GRM8: variants seen among roughly 807,000 people sequenced by gnomAD.
GRM8 encodes the protein glutamate metabotropic receptor 8.
A neutral mutation model predicts 87.2 loss-of-function variants in GRM8; 47 were observed. The ratio of observed to expected loss-of-function variants is 0.54; its 90% CI spans 0.43 to 0.69. The LOEUF (loss-of-function observed/expected upper bound fraction) is 0.69. Among genes scored for constraint, GRM8 ranks in the 30% least tolerant of loss-of-function variants. The pLI is 0.00. For synonymous variants in GRM8, 396 were observed against 404.5 expected (o/e 0.98, Z 0.25); for missense variants, 1,019 against 1,139.2 (o/e 0.89, Z 1.52).
chr7:127,227,823 C>T (rs758594358), intron 2 of GRM8, among the ~76,000 whole-genome samples: 39 of 152,166 alleles, frequency 2.6e-4, no homozygotes, highest in Non-Finnish European at 4.6e-4. Context: ...GTGATCATTC[C>T]GGCAGCAGGG....
chr7:126,647,878 A>T (rs1803340922), intron 7 of GRM8, among the ~76,000 whole-genome samples: 1 of 152,144 alleles, frequency 6.6e-6, no homozygotes, highest in Non-Finnish European at 1.5e-5. Flanking sequence ...CTTCATAGCA[A>T]ACTAAATTTC....
chr7:127,240,140 C>T (rs532882942), intron 2 of GRM8, among the ~76,000 whole-genome samples: 1 of 152,252 alleles, frequency 6.6e-6, no homozygotes, highest in South Asian at 2.1e-4. Flanking sequence ...TCAGTAGTAA[C>T]CCTCTCACCC....
intron 7 of GRM8, among the ~76,000 whole-genome samples, chr7:126,632,478 T>A (rs1373454365): frequency 2.0e-5 from 3 of 152,140 alleles, no homozygotes; most frequent in African/African-American, 7.2e-5. Flanking sequence ...GTTTGGCAAT[T>A]CCTCAAAGAT....
At chr7:126,837,044 C>T (rs1795875278) in intron 6 of GRM8, among the ~76,000 whole-genome samples, 1 of 143,000 alleles carries the variant, frequency 7.0e-6, no homozygotes, top group Non-Finnish European at 1.5e-5. Flanking sequence ...AATTGGAAAG[C>T]ACCACTCAGA....
chr7:126,526,421 C>A (rs1335985681), intron 9 of GRM8, among the ~76,000 whole-genome samples: 4 of 152,186 alleles, frequency 2.6e-5, no homozygotes, highest in Non-Finnish European at 4.4e-5. Flanking sequence ...TTAGCTCTAG[C>A]TCTAAGTTCC....
At chr7:126,475,786 C>T (rs1406831233) in intron 9 of GRM8, among the ~76,000 whole-genome samples, 3 of 151,982 alleles carry the variant, frequency 2.0e-5, no homozygotes, top group Non-Finnish European at 4.4e-5. Context: ...CAATGGAACA[C>T]AATAAAGAGC....
chr7:127,182,401 A>T (rs933223081), intron 2 of GRM8, among the ~76,000 whole-genome samples: 1 of 151,980 alleles, frequency 6.6e-6, no homozygotes, highest in African/African-American at 2.4e-5. Flanking sequence ...TAGTGGGAAT[A>T]TAAATTAGTA....
At chr7:126,915,723 G>C (rs1269364979) in intron 3 of GRM8, among the ~76,000 whole-genome samples, 1 of 152,146 alleles carries the variant, frequency 6.6e-6, no homozygotes, top group Non-Finnish European at 1.5e-5. Context: ...GGGGAGAAGA[G>C]AAATGGTGGC....
In GRM8 at chr7:127,113,490, C is replaced by T. The variant is rs142957104; in HGVS notation, c.511-6778G>A. Among the ~76,000 whole-genome samples the T allele has an allele frequency of 3.4e-4, 51 of 151,802 alleles. 1 individual carries two copies. Among genetic ancestry groups the T allele is most frequent in the African/African-American group, 1.1e-3 (45 of 41,442 alleles). ...TTTTTTTTTGTTTTTTTCCCCCCTGCCAAAAAAGGTTTTTGTTCTCTGCAA... is the reference window on the plus strand; with the variant it reads ...TTTTTTTTTGTTTTTTTCCCCCCTGTCAAAAAAGGTTTTTGTTCTCTGCAA... On this transcript the variant is annotated intron_variant, in intron 2 of 10. Transcript: ENST00000339582.
chr7:126,847,564 G>A (rs1796819461), intron 6 of GRM8, among the ~76,000 whole-genome samples: 1 of 152,096 alleles, frequency 6.6e-6, no homozygotes, highest in Admixed American at 6.6e-5. Flanking sequence ...TATTAGAGTT[G>A]GGGATCCCTA....
At chr7:126,512,250 AAG>A (rs1291498661) in intron 9 of GRM8, 1 of 152,332 alleles carries the variant, frequency 6.6e-6, no homozygotes, top group African/African-American at 2.4e-5. Context: ...TATGGCTGGA[AAG>A]AGAGAGTTCC....
At chr7:126,818,864 T>C (rs1335422545) in intron 6 of GRM8, among the ~76,000 whole-genome samples, 1 of 152,194 alleles carries the variant, frequency 6.6e-6, no homozygotes, top group African/African-American at 2.4e-5. Context: ...AACCCATTCA[T>C]TCTTGGCAGA....
chr7:127,232,821 A>G (rs780472536), intron 2 of GRM8, among the ~76,000 whole-genome samples: 3 of 152,048 alleles, frequency 2.0e-5, no homozygotes, highest in Non-Finnish European at 4.4e-5. Flanking sequence ...AAAAGGTACT[A>G]TTATTAACTG....
intron 7 of GRM8, among the ~76,000 whole-genome samples, chr7:126,681,427 C>A (rs920923138): frequency 2.0e-5 from 3 of 152,230 alleles, no homozygotes; most frequent in Non-Finnish European, 2.9e-5. Flanking sequence ...ACCTAAGGTA[C>A]TTTCCTCATG....
At chr7:126,647,129 T>C (rs1803200966) in intron 7 of GRM8, among the ~76,000 whole-genome samples, 1 of 152,072 alleles carries the variant, frequency 6.6e-6, no homozygotes, top group Non-Finnish European at 1.5e-5. Context: ...CAGTGGTGCA[T>C]GCGTGCAGTC....
chr7:126,587,130 C>T (rs1385596572), intron 8 of GRM8, among the ~76,000 whole-genome samples: 1 of 152,118 alleles, frequency 6.6e-6, no homozygotes, highest in Non-Finnish European at 1.5e-5. Context: ...CAATGAGATA[C>T]CATCTCACAC....
chr7:126,887,240 T>C (rs1358494762), intron 6 of GRM8, among the ~76,000 whole-genome samples: 1 of 152,080 alleles, frequency 6.6e-6, no homozygotes, highest in Non-Finnish European at 1.5e-5. Context: ...AAAGACAAAT[T>C]GAATAATAAG....
chr7:127,107,099 G>C (rs1242062203), intron 2 of GRM8, among the ~76,000 whole-genome samples: 1 of 152,178 alleles, frequency 6.6e-6, no homozygotes, highest in Non-Finnish European at 1.5e-5. Context: ...GGTCACCTCT[G>C]AAACTGGCTT....
rs1284965727 is a variant in GRM8, at chr7:126,900,646, A to G, written c.1156+1896T>C. 3.1e-5 allele frequency among the ~76,000 whole-genome samples: 4 copies of G among 130,360 alleles called. No homozygotes were observed. In the East Asian group the frequency reaches 1.0e-3, roughly 33 times the overall value. 85.5% of individuals were successfully genotyped at this position (130,360 alleles called of 152,430 possible). ...TGCCTCAGCCTCCCAAGTAGCTGGG[A>G]CTACAGGCGCCCGCCACACGCCGGG... On this transcript the variant is annotated intron_variant, in intron 6 of 10. Transcript: ENST00000339582.
Sources: allele counts gnomAD v4.1 joint callset (sites outside exome capture counted in the v4.1 genomes callset), GRCh38; gene constraint gnomAD v4.1.1; transcripts MANE v1.5; gene names NCBI Gene and HGNC (gene_info 2026-07-23, HGNC 2026-07-21).